The following ARL15 variants were observed in gnomAD, a reference collection of about 807,000 sequenced individuals.
ARL15 encodes the protein ADP-ribosylation factor-like protein 15.
Under a neutral mutation model 25.2 loss-of-function variants are expected in ARL15, and 19 were observed. The observed-to-expected ratio is 0.75, with a 90% CI of 0.53 to 1.10. The LOEUF (loss-of-function observed/expected upper bound fraction) is 1.10. ARL15 is among the 50% of genes least tolerant of loss of function. The probability of loss-of-function intolerance (pLI) is 0.00; values close to 1 mark genes in which losing one functional copy is unlikely to be tolerated. For synonymous variants in ARL15, 94 were observed against 86.8 expected (o/e 1.08, Z -0.46); for missense variants, 220 against 246.0 (o/e 0.89, Z 0.71).
intron 4 of ARL15, among the ~76,000 whole-genome samples, chr5:53,901,700 C>T (rs1745071951): frequency 6.6e-6 from 1 of 151,876 alleles, no homozygotes; most frequent in African/African-American, 2.4e-5. Flanking sequence ...CCTGATATTA[C>T]AAAGTGCAGG....
At chr5:54,303,564 G>C (rs1380236329) in intron 1 of ARL15, among the ~76,000 whole-genome samples, 1 of 151,190 alleles carries the variant, frequency 6.6e-6, no homozygotes, top group African/African-American at 2.4e-5. Flanking sequence ...CTTGGGGCAG[G>C]TAGGAATGTG....
At chr5:54,223,914 A>G (rs1756446329) in intron 1 of ARL15, among the ~76,000 whole-genome samples, 1 of 152,050 alleles carries the variant, frequency 6.6e-6, no homozygotes, top group Non-Finnish European at 1.5e-5. Context: ...AGGTTATAAG[A>G]ATGCTGTGGC....
At chr5:54,053,666 G>A (rs1750768854) in intron 4 of ARL15, among the ~76,000 whole-genome samples, 1 of 152,132 alleles carries the variant, frequency 6.6e-6, no homozygotes, top group South Asian at 2.1e-4. Context: ...TTCCTTCTAA[G>A]TGTAATCATG....
chr5:54,186,816 T>C (rs1443742811), intron 1 of ARL15, among the ~76,000 whole-genome samples: 4 of 151,692 alleles, frequency 2.6e-5, no homozygotes, highest in Admixed American at 2.0e-4. Flanking sequence ...AGAGGCTCCA[T>C]GGGCCTTATA....
Position 54,185,281 on chromosome 5 carries a change from T to G in ARL15, c.49-13353A>C, listed in dbSNP as rs1755206717. Among the ~76,000 whole-genome samples the G allele has an allele frequency of 1.3e-5, 2 of 152,154 alleles. 1 individual carries two copies. The highest frequency in any genetic ancestry group is 4.1e-4 in the South Asian group (2 of 4,832). On this transcript the variant is annotated intron_variant, in intron 1 of 4. Transcript: ENST00000504924. ...TCTGCCTACACATCCTTCCTCACTA[T>G]TTTCCTCTGGCTGGCTCTTAGTTAC...
intron 1 of ARL15, among the ~76,000 whole-genome samples, chr5:54,258,168 C>CAAA (rs773543108): frequency 3.3e-5 from 4 of 121,734 alleles, no homozygotes; most frequent in African/African-American, 8.9e-5. Context: ...TTTGTTTCTA[C>CAAA]AAAAAAAAAA....
intron 1 of ARL15, chr5:54,286,281 T>C (rs1011133450): frequency 2.6e-5 from 4 of 152,202 alleles, no homozygotes; most frequent in African/African-American, 9.6e-5. Flanking sequence ...CTAATAAAAT[T>C]GGCCTCTCAA....
At chr5:54,081,194 G>A (rs1289851397) in intron 4 of ARL15, among the ~76,000 whole-genome samples, 1 of 152,176 alleles carries the variant, frequency 6.6e-6, no homozygotes, top group Non-Finnish European at 1.5e-5. Flanking sequence ...ATGAAAGTAT[G>A]CGTTATATAA....
intron 4 of ARL15, among the ~76,000 whole-genome samples, chr5:54,083,628 T>C (rs1364280131): frequency 2.6e-5 from 4 of 152,208 alleles, no homozygotes; most frequent in Admixed American, 2.6e-4. Context: ...TAGGAATACA[T>C]TAACTATATT....
intron 4 of ARL15, among the ~76,000 whole-genome samples, chr5:54,000,838 T>A (rs1329257877): frequency 6.6e-6 from 1 of 152,114 alleles, no homozygotes; most frequent in Non-Finnish European, 1.5e-5. Flanking sequence ...AGTGCTGACA[T>A]ATTAGATTTC....
intron 4 of ARL15, among the ~76,000 whole-genome samples, chr5:53,997,223 T>C (rs1473671525): frequency 6.6e-6 from 1 of 152,192 alleles, no homozygotes; most frequent in African/African-American, 2.4e-5. Context: ...TTCTTCTTTA[T>C]GTCCTGAGCT....
intron 1 of ARL15, among the ~76,000 whole-genome samples, chr5:54,218,353 A>T (rs777179189): frequency 6.6e-6 from 1 of 152,172 alleles, no homozygotes; most frequent in Non-Finnish European, 1.5e-5. Flanking sequence ...GGCTATGCCT[A>T]TTGCTACAGA....
intron 4 of ARL15, 108 bp from the exon 5 acceptor site, chr5:53,886,821 G>C: frequency 1.0e-6 from 1 of 1,003,756 alleles, no homozygotes; most frequent in Non-Finnish European, 1.4e-6. Flanking sequence ...GAATTTATAC[G>C]AACTGTGATG....
At chr5:54,296,836 G>T (rs565524935) in intron 1 of ARL15, among the ~76,000 whole-genome samples, 21 of 152,374 alleles carry the variant, frequency 1.4e-4, no homozygotes, top group East Asian at 1.2e-3. Context: ...GTAGTGAAAG[G>T]TTGGGAGAAG....
chr5:54,029,848 T>A (rs562689673), intron 4 of ARL15, among the ~76,000 whole-genome samples: 1 of 152,050 alleles, frequency 6.6e-6, no homozygotes, highest in African/African-American at 2.4e-5. Flanking sequence ...AAAAACAAAA[T>A]TAGCCGGGCA....
intron 4 of ARL15, among the ~76,000 whole-genome samples, chr5:53,975,760 C>T (rs1379414230): frequency 6.6e-6 from 1 of 152,194 alleles, no homozygotes; most frequent in African/African-American, 2.4e-5. Context: ...ATCCACAAGG[C>T]TTGCAGGTGG....
intron 4 of ARL15, among the ~76,000 whole-genome samples, chr5:54,021,578 T>C (rs1297688852): frequency 6.6e-6 from 1 of 152,092 alleles, no homozygotes; most frequent in African/African-American, 2.4e-5. Context: ...TTACTCAATC[T>C]GAACAACAAA....
At chr5:53,968,174 T>C (rs772886403) in intron 4 of ARL15, among the ~76,000 whole-genome samples, 4 of 152,184 alleles carry the variant, frequency 2.6e-5, no homozygotes, top group Non-Finnish European at 5.9e-5. Context: ...AGTAAAATTA[T>C]ATGCACCATG....
At chr5:54,112,713 T>C (rs759370399) in intron 4 of ARL15, among the ~76,000 whole-genome samples, 2 of 152,188 alleles carry the variant, frequency 1.3e-5, no homozygotes, top group Non-Finnish European at 2.9e-5. Flanking sequence ...TAAAATGTAT[T>C]TGATGGCATG....
Sources: allele counts gnomAD v4.1 joint callset (sites outside exome capture counted in the v4.1 genomes callset), GRCh38; gene constraint gnomAD v4.1.1; transcripts MANE v1.5; gene names NCBI Gene and HGNC (gene_info 2026-07-23, HGNC 2026-07-21).